The following EEPD1 variants were observed in gnomAD, a reference collection of about 807,000 sequenced individuals.
EEPD1 encodes the protein endonuclease/exonuclease/phosphatase family domain-containing protein 1.
In EEPD1, 17 loss-of-function variants were observed where a neutral mutation model predicts 46.3. The observed-to-expected ratio is 0.37, with a 90% confidence interval of 0.25 to 0.55. The LOEUF (loss-of-function observed/expected upper bound fraction) is 0.55. Ranked by LOEUF, EEPD1 falls within the 20% of genes least tolerant of loss-of-function variation. The pLI is 0.83. For synonymous variants in EEPD1, 313 were observed against 315.6 expected (o/e 0.99, Z 0.09); for missense variants, 673 against 745.6 (o/e 0.90, Z 1.13).
chr7:36,155,086 A>C lies in EEPD1; in HGVS notation c.762A>C (p.Thr254=). 6.3e-7 allele frequency: 1 copy of C among 1,586,386 alleles called. No individual in the cohort carries two copies. Among genetic ancestry groups the C allele is most frequent in the Non-Finnish European group, 8.6e-7 (1 of 1,165,170 alleles). The change falls in exon 2 of 8, where the codon ACA becomes ACC. Residue 254 remains threonine (T), a synonymous_variant. Coordinates refer to ENST00000242108, the MANE Select transcript of EEPD1 (RefSeq NM_030636.3). ...CGTCCGTGGAGGCCTTTGGAGGCACAAGGGATGGGAGGCCTGTGCTGAGGC... is the reference window on the plus strand; with the variant it reads ...CGTCCGTGGAGGCCTTTGGAGGCACCAGGGATGGGAGGCCTGTGCTGAGGC... ...TRPSVEAFGG[T]RDGRPVLRLA...
chr7:36,154,249 C>T lies in EEPD1; in HGVS notation c.-76C>T, dbSNP rs950664126. 2.1e-5 allele frequency: 31 copies of T among 1,496,152 alleles called. No individual in the cohort carries two copies. The highest frequency in any genetic ancestry group is 2.5e-5 in the Non-Finnish European group (28 of 1,126,176). 92.7% of individuals were successfully genotyped at this position (1,496,152 alleles called of 1,614,324 possible). A position where few individuals can be genotyped will look rare whatever the true frequency, so the allele number is the denominator to read the frequency against. On this transcript the variant is annotated 5_prime_UTR_variant, in exon 2 of 8. Transcript: ENST00000242108. This position sits in a 1 kb window ranked among gnomAD's most constrained non-coding sequence, Gnocchi z 4.2. ...TTCCGTTTTTCTGTGCTTGTACGGC[C>T]TACTGGGCTTCCTCCCTAGCCAGAG...
At position 36,160,685 on chromosome 7, in the gene EEPD1, G is replaced by GGGT. The variant is rs1364916317; in HGVS notation, c.878+5485_878+5486insTGG. Among the ~76,000 whole-genome samples the GGGT allele has an allele frequency of 1.2e-4, 18 of 150,150 alleles. 1 individual carries two copies. The highest frequency in any genetic ancestry group is 2.2e-4 in the Non-Finnish European group (15 of 67,276). On this transcript the variant is annotated intron_variant, in intron 2 of 7. Coordinates refer to ENST00000242108, the MANE Select transcript of EEPD1 (RefSeq NM_030636.3). The stretch of plus-strand genomic sequence containing the variant: ...GACTGCTGGGAGGTGGTGGGGGGCG[G>GGGT]GGCGTGCATGGAGAGGGTCCTGGGA...
rs561271543 is a variant in EEPD1, at chr7:36,197,009, C to T, written c.878+41807C>T. On this transcript the variant is annotated intron_variant, in intron 2 of 7. Transcript: ENST00000242108. ...CCCCCATCGTCTGAGATGTGGGGAG[C>T]GCCTCTGCCCCGCCGCCCCGTCTGG... Among the ~76,000 whole-genome samples, 818 of 150,338 alleles carry T rather than the reference C, an allele frequency of 5.4e-3. 3 individuals carry two copies. Among genetic ancestry groups the T allele is most frequent in the Non-Finnish European group, 8.1e-3 (545 of 67,476 alleles).
chr7:36,245,003 T>C (rs993037985), intron 3 of EEPD1, among the ~76,000 whole-genome samples: 10 of 151,864 alleles, frequency 6.6e-5, no homozygotes, highest in African/African-American at 2.4e-4. Context: ...TAGAGTGCAG[T>C]AGTATGATCT....
intron 2 of EEPD1, among the ~76,000 whole-genome samples, chr7:36,160,544 G>A (rs1305788845): frequency 5.3e-5 from 8 of 152,092 alleles, no homozygotes; most frequent in Non-Finnish European, 4.4e-5. Context: ...GGGTGGGGCC[G>A]CAGAGCAAGG....
intron 4 of EEPD1, 54 bp downstream of exon 4, chr7:36,281,279 T>A (rs1787258808): frequency 8.0e-6 from 12 of 1,503,980 alleles, no homozygotes; most frequent in Non-Finnish European, 1.1e-5. Context: ...ATACATACTT[T>A]TCCCCTAATC....
At chr7:36,261,073 A>G (rs1490248356) in intron 3 of EEPD1, among the ~76,000 whole-genome samples, 4 of 152,238 alleles carry the variant, frequency 2.6e-5, no homozygotes, top group Non-Finnish European at 2.9e-5. Flanking sequence ...GTCCTCCATG[A>G]ATACCAAGGA....
chr7:36,237,457 C>T (rs541422963), intron 2 of EEPD1, among the ~76,000 whole-genome samples: 20 of 152,160 alleles, frequency 1.3e-4, no homozygotes, highest in Admixed American at 1.1e-3. Context: ...TTTCTTTATC[C>T]CAAAGTGAAA....
In EEPD1 at chr7:36,154,608, A is replaced by G; in HGVS notation, c.284A>G (p.Lys95Arg). 6.2e-7 allele frequency: 1 copy of G among 1,614,026 alleles called. No individual in the cohort carries two copies. Among genetic ancestry groups the G allele is most frequent in the Non-Finnish European group, 8.5e-7 (1 of 1,180,006 alleles). ...GGCGCCACCAAGCTGGAGCAGGTCA[A>G]GTTTGAGATCTGTGTGAGCAGCAAG... is the stretch of plus-strand genomic sequence containing the variant. ...GVGATKLEQV[K>R]FEICVSSKGS... Residue 95 changes from lysine (K) to arginine (R), a missense_variant, in exon 2 of 8, where the codon AAG becomes AGG. By Grantham distance (26) the Lys-to-Arg change is conservative. Coordinates refer to ENST00000242108, the MANE Select transcript of EEPD1 (RefSeq NM_030636.3). The surrounding 1 kb of genome is among the most constrained non-coding windows in gnomAD (Gnocchi z 4.2).
intron 2 of EEPD1, among the ~76,000 whole-genome samples, chr7:36,185,981 C>T (rs533955637): frequency 1.2e-3 from 181 of 152,316 alleles, no homozygotes; most frequent in African/African-American, 4.3e-3. Flanking sequence ...TGTGATTCAT[C>T]TACTATGTCG....
At chr7:36,296,954 C>A (rs1583483405) in intron 6 of EEPD1, 39 bp from the exon 7 acceptor site, 2 of 1,606,468 alleles carry the variant, frequency 1.2e-6, no homozygotes, top group South Asian at 1.1e-5. Context: ...TTTTACTTCC[C>A]AACAACTCTT....
chr7:36,261,703 G>A (rs1786928543), intron 3 of EEPD1, among the ~76,000 whole-genome samples: 1 of 152,192 alleles, frequency 6.6e-6, no homozygotes. Flanking sequence ...AATTTTAAGT[G>A]CAATAGAAGG....
chr7:36,176,175 G>A (rs1307071586), intron 2 of EEPD1, among the ~76,000 whole-genome samples: 1 of 152,228 alleles, frequency 6.6e-6, no homozygotes, highest in Non-Finnish European at 1.5e-5. Flanking sequence ...GTGGGGCCTG[G>A]CCTCTCAGGG....
intron 2 of EEPD1, chr7:36,230,837 A>G (rs1483781213): frequency 6.6e-6 from 1 of 152,164 alleles, no homozygotes; most frequent in Non-Finnish European, 1.5e-5. Flanking sequence ...ATAACCTTAG[A>G]TATTTTATCC....
At chr7:36,252,447 T>C (rs1402096267) in intron 3 of EEPD1, among the ~76,000 whole-genome samples, 4 of 152,224 alleles carry the variant, frequency 2.6e-5, no homozygotes, top group Non-Finnish European at 4.4e-5. Context: ...TGTGAACTTG[T>C]CTAGCCCATG....
chr7:36,275,252 G>T, intron 3 of EEPD1, among the ~76,000 whole-genome samples: 1 of 152,128 alleles, frequency 6.6e-6, no homozygotes, highest in Non-Finnish European at 1.5e-5. Context: ...ACTTTAAAAT[G>T]CCTACCAGTA....
chr7:36,192,544 A>G (rs1174456846), intron 2 of EEPD1, among the ~76,000 whole-genome samples: 1 of 152,118 alleles, frequency 6.6e-6, no homozygotes, highest in Non-Finnish European at 1.5e-5. Flanking sequence ...TTACATACAT[A>G]TTGAAAAGTA....
chr7:36,154,111 T>G lies in EEPD1; in HGVS notation c.-192-22T>G. 3.3e-6 allele frequency: 2 copies of G among 611,526 alleles called. No homozygotes were observed. Among genetic ancestry groups the G allele is most frequent in the Non-Finnish European group, 5.7e-6 (2 of 353,372 alleles). The allele number at this position is 611,526 out of a possible 1,614,324, so 37.9% of individuals were successfully genotyped here. On this transcript the variant is annotated intron_variant, in intron 1 of 7. Coordinates refer to ENST00000242108, the MANE Select transcript of EEPD1 (RefSeq NM_030636.3). This position sits in a 1 kb window ranked among gnomAD's most constrained non-coding sequence, Gnocchi z 4.2. ...AATTTCTTAATTCAATGGGTTTCTA[T>G]GTTTATTGATTTATTTTCTAGGCGG...
At chr7:36,160,676 T>TGGGGGGGGGGGGGGGG (rs150571892) in intron 2 of EEPD1, among the ~76,000 whole-genome samples, 2 of 36,480 alleles carry the variant, frequency 5.5e-5, no homozygotes. Context: ...TGGGAGGTGG[T>TGGGGGGGGGGGGGGGG]GGGGGGCGGG....
Sources: gnomAD v4.1 joint callset for allele counts (sites outside exome capture counted in the v4.1 genomes callset) on GRCh38, gnomAD v4.1.1 for gene constraint, Gnocchi (gnomAD v3.1) non-coding constraint, MANE v1.5 for transcripts, NCBI Gene and HGNC (gene_info 2026-07-23, HGNC 2026-07-21) for gene names.